PCLO: variants seen among roughly 807,000 people sequenced by gnomAD.
The protein encoded by PCLO is protein piccolo.
PCLO carries 82 observed loss-of-function variants against 427.5 expected under a neutral mutation model. The ratio of observed to expected loss-of-function variants is 0.19; its 90% CI spans 0.16 to 0.23. The LOEUF (loss-of-function observed/expected upper bound fraction) is 0.23, where lower values mean the gene tolerates loss of function less well. Ranked by LOEUF, PCLO falls within the 10% of genes least tolerant of loss-of-function variation. The pLI is 1.00. For synonymous variants in PCLO, 2,357 were observed against 2,155.4 expected, an observed-to-expected ratio of 1.09 and a Z score of -2.59; for missense variants, 6,239 against 6,115.9, an observed-to-expected ratio of 1.02 and a Z score of -0.67.
intron 4 of PCLO, among the ~76,000 whole-genome samples, chr7:82,958,905 C>T (rs1795593446): frequency 6.6e-6 from 1 of 152,024 alleles, no homozygotes; most frequent in South Asian, 2.1e-4. Flanking sequence ...TATGTCCTTC[C>T]TTGTTTATCT....
chr7:83,150,797 A>G (rs1362259120), intron 2 of PCLO, among the ~76,000 whole-genome samples: 1 of 152,222 alleles, frequency 6.6e-6, no homozygotes, highest in Non-Finnish European at 1.5e-5. Flanking sequence ...ATTTACATGC[A>G]TATAAACAAC....
At chr7:83,076,624 C>CT (rs11332065) in intron 3 of PCLO, among the ~76,000 whole-genome samples, 9,451 of 129,706 alleles carry the variant, frequency 0.073, 369 homozygotes, top group African/African-American at 0.082. Context: ...TGTTATTTTC[C>CT]TTTTTTTTTT....
chr7:83,146,325 T>C (rs1042222014), intron 2 of PCLO, among the ~76,000 whole-genome samples: 11 of 152,230 alleles, frequency 7.2e-5, no homozygotes, highest in Admixed American at 6.5e-4. Context: ...CTTACTGATG[T>C]ACTTCATACT....
chr7:82,930,747 C>A (rs1260521208), intron 6 of PCLO, among the ~76,000 whole-genome samples: 2 of 152,072 alleles, frequency 1.3e-5, no homozygotes, highest in Admixed American at 6.6e-5. Flanking sequence ...AGGTTATGTG[C>A]TCTTTATCTC....
intron 10 of PCLO, among the ~76,000 whole-genome samples, chr7:82,860,859 G>A (rs891458033): frequency 1.3e-5 from 2 of 151,820 alleles, no homozygotes; most frequent in African/African-American, 4.8e-5. Flanking sequence ...CTTTTTGCTT[G>A]TTTGTTTATG....
At chr7:83,126,212 G>A (rs116676222) in intron 3 of PCLO, among the ~76,000 whole-genome samples, 2,084 of 152,264 alleles carry the variant, frequency 0.014, 36 homozygotes, top group African/African-American at 0.045. Flanking sequence ...TAGAATGATG[G>A]TTACCACAGG....
chr7:82,791,318 T>C (rs1376055047), intron 22 of PCLO, among the ~76,000 whole-genome samples: 1 of 152,212 alleles, frequency 6.6e-6, no homozygotes, highest in Non-Finnish European at 1.5e-5. Flanking sequence ...GCCCTGCTAC[T>C]GCTACTTAGC....
At chr7:83,114,257 T>G (rs914281734) in intron 3 of PCLO, among the ~76,000 whole-genome samples, 1 of 152,056 alleles carries the variant, frequency 6.6e-6, no homozygotes, top group South Asian at 2.1e-4. Context: ...TCTGCAGAGA[T>G]TGTACAAATA....
intron 3 of PCLO, among the ~76,000 whole-genome samples, chr7:82,994,090 G>A (rs1233602966): frequency 6.6e-6 from 1 of 151,962 alleles, no homozygotes; most frequent in Non-Finnish European, 1.5e-5. Context: ...TGAATGAAAG[G>A]AAGTTTTGTC....
intron 6 of PCLO, among the ~76,000 whole-genome samples, chr7:82,947,246 A>G (rs1452931405): frequency 2.0e-5 from 3 of 152,092 alleles, no homozygotes; most frequent in African/African-American, 7.2e-5. Flanking sequence ...ACAGAGTATA[A>G]AACTTATCTT....
At chr7:82,957,054 C>T (rs568955826) in intron 4 of PCLO, 119 bp from the exon 5 acceptor site, 10 of 1,083,960 alleles carry the variant, frequency 9.2e-6, no homozygotes, top group South Asian at 5.4e-5. Context: ...ATTTTTTCAA[C>T]CATATCTCAG....
intron 10 of PCLO, among the ~76,000 whole-genome samples, chr7:82,855,345 A>T (rs750085650): frequency 6.6e-6 from 1 of 152,124 alleles, no homozygotes; most frequent in Admixed American, 6.6e-5. Context: ...GAATGGTAGT[A>T]CAGAAATATG....
At position 82,977,374 on chromosome 7, in the gene PCLO, C is replaced by A. The variant is rs577533405; in HGVS notation, c.3301-10887G>T. Among the ~76,000 whole-genome samples the A allele has an allele frequency of 2.3e-3, 328 of 141,814 alleles. 1 individual carries two copies. Among genetic ancestry groups the A allele is most frequent in the South Asian group, 0.012 (53 of 4,474 alleles). 93.0% of individuals were successfully genotyped at this position (141,814 alleles called of 152,430 possible). A position where few individuals can be genotyped will look rare whatever the true frequency, so the allele number is the denominator to read the frequency against. On this transcript the variant is annotated intron_variant, in intron 3 of 24. Coordinates refer to ENST00000333891, the MANE Select transcript of PCLO (RefSeq NM_033026.6). ...CAGTAAACTGCCTGAGTGCAAAATTCATCTTTTTTATTTATTTATTTATTT... is the reference window on the plus strand; with the variant it reads ...CAGTAAACTGCCTGAGTGCAAAATTAATCTTTTTTATTTATTTATTTATTT...
At chr7:82,918,428 C>T (rs1794518570) in intron 6 of PCLO, among the ~76,000 whole-genome samples, 1 of 151,792 alleles carries the variant, frequency 6.6e-6, no homozygotes, top group South Asian at 2.1e-4. Flanking sequence ...CTTGATTAAC[C>T]CACATTCTAG....
chr7:82,999,304 T>TA (rs1313932472), intron 3 of PCLO, among the ~76,000 whole-genome samples: 1 of 142,136 alleles, frequency 7.0e-6, no homozygotes, highest in Non-Finnish European at 1.5e-5. Flanking sequence ...ATATTATATA[T>TA]TAAATATATA....
In PCLO at chr7:82,954,720, G is replaced by T. The variant is rs778800146; in HGVS notation, c.6233C>A (p.Pro2078His). The change falls in exon 5 of 25, where the codon CCT becomes CAT. Residue 2078 changes from proline to histidine, a missense_variant. This residue lies in a region of PCLO where 4,677 missense variants were observed against 4,468.4 expected (regional missense o/e 1.05). Transcript: ENST00000333891. ...GGGGGCCTGGGTTGGGCTAGATCCA[G>T]GTGTTAATTGCATCTGTTGCCTCTT... The part of the protein sequence containing the change: ...LMKRQQMQLT[P>H]GSSPTQAPIG... 1.2e-6 allele frequency: 2 copies of T among 1,613,842 alleles called. No individual in the cohort carries two copies. The highest frequency in any genetic ancestry group is 2.2e-5 in the South Asian group (2 of 91,078).
chr7:83,024,780 T>G (rs1361556411), intron 3 of PCLO, among the ~76,000 whole-genome samples: 3 of 152,102 alleles, frequency 2.0e-5, no homozygotes, highest in Non-Finnish European at 4.4e-5. Context: ...GACTGCCTCC[T>G]CAAGTGGGTC....
chr7:82,930,768 A>G (rs1794822155), intron 6 of PCLO, among the ~76,000 whole-genome samples: 1 of 152,114 alleles, frequency 6.6e-6, no homozygotes. Flanking sequence ...ATGATACTTA[A>G]AGTCAAAAAA....
In PCLO at chr7:83,162,643, GT is replaced by G. The variant is rs1278745535; in HGVS notation, c.-52del. ...CGCTCCCTCCTCGCGCCGCGTCCCAGTCGAGAAGCCCGCGGCCAGGGGAGCA... is the reference window on the plus strand; with the variant it reads ...CGCTCCCTCCTCGCGCCGCGTCCCAGCGAGAAGCCCGCGGCCAGGGGAGCA... On this transcript the variant is annotated 5_prime_UTR_variant, in exon 1 of 25. Transcript: ENST00000333891. 1 of 1,483,138 alleles carries G rather than the reference GT, an allele frequency of 6.7e-7. No individual in the cohort carries two copies. Among genetic ancestry groups the G allele is most frequent in the Non-Finnish European group, 8.9e-7 (1 of 1,122,024 alleles). 91.9% of individuals were successfully genotyped at this position (1,483,138 alleles called of 1,614,324 possible).
Sources: allele counts gnomAD v4.1 joint callset (sites outside exome capture counted in the v4.1 genomes callset), GRCh38; gene constraint gnomAD v4.1.1; regional missense constraint gnomAD v4.1.1; transcripts MANE v1.5; gene names NCBI Gene and HGNC (gene_info 2026-07-23, HGNC 2026-07-21).